Variants in CDKL4 observed in about 807,000 individuals in gnomAD.
The protein encoded by CDKL4 is cyclin-dependent kinase-like 4.
CDKL4 carries 44 observed loss-of-function variants against 42.0 expected under a neutral mutation model. The ratio of observed to expected loss-of-function variants is 1.05; its 90% CI spans 0.82 to 1.35. The LOEUF is 1.35. Among genes scored for constraint, CDKL4 ranks in the 40% most tolerant of loss-of-function variants. CDKL4 has a pLI of 0.00. For synonymous variants in CDKL4, 120 were observed against 121.6 expected (o/e 0.99, Z 0.09); for missense variants, 393 against 369.9 (o/e 1.06, Z -0.51).
chr2:39,226,584 A>G (rs181890304), intron 2 of CDKL4, among the ~76,000 whole-genome samples: 155 of 151,198 alleles, frequency 1.0e-3, no homozygotes, highest in African/African-American at 3.6e-3. Context: ...ATTTCACAAG[A>G]CAGCCTCTGT....
intron 1 of CDKL4, among the ~76,000 whole-genome samples, chr2:39,231,267 A>G (rs977379612): frequency 6.6e-6 from 1 of 152,092 alleles, no homozygotes; most frequent in Non-Finnish European, 1.5e-5. Context: ...AATTCGAAGA[A>G]CCACTTTATC....
chr2:39,185,425 T>C (rs7602450), intron 7 of CDKL4, among the ~76,000 whole-genome samples: 223 of 19,868 alleles, frequency 0.011, 49 homozygotes, highest in African/African-American at 0.015. Flanking sequence ...CATATATATA[T>C]ACATATGTAT....
intron 5 of CDKL4, among the ~76,000 whole-genome samples, chr2:39,203,164 G>A (rs1676958180): frequency 6.6e-6 from 1 of 152,066 alleles, no homozygotes; most frequent in African/African-American, 2.4e-5. Context: ...CAGTAGGAAA[G>A]CTGACTTGCA....
chr2:39,236,734 G>A (rs1342179971), intron 1 of CDKL4, among the ~76,000 whole-genome samples: 7 of 151,846 alleles, frequency 4.6e-5, no homozygotes, highest in African/African-American at 1.7e-4. Context: ...CCATACTACA[G>A]AAATTAAAAA....
At chr2:39,226,259 C>T in intron 2 of CDKL4, among the ~76,000 whole-genome samples, 1 of 151,200 alleles carries the variant, frequency 6.6e-6, no homozygotes, top group Non-Finnish European at 1.5e-5. Context: ...TAAAAATAAT[C>T]AATATCCACT....
intron 8 of CDKL4, among the ~76,000 whole-genome samples, chr2:39,182,006 T>G (rs917515223): frequency 1.3e-5 from 2 of 152,142 alleles, no homozygotes; most frequent in African/African-American, 2.4e-5. Context: ...TTTTTAGAGA[T>G]GAGGTTTCAC....
rs77239657 is a variant in CDKL4, at chr2:39,197,975, T to G, written c.454+6552A>C. 4.8e-4 allele frequency among the ~76,000 whole-genome samples: 73 copies of G among 152,042 alleles called. 1 individual carries two copies. The East Asian group carries it at 0.012, about 25-fold the overall frequency. On this transcript the variant is annotated intron_variant, in intron 5 of 9. Coordinates refer to ENST00000451199, the Ensembl canonical transcript of CDKL4. ...AGGTAACAAGTAGCATGATGAATAGTACCTCACATCTCAATACTGATGTTG... is the reference window on the plus strand; with the variant it reads ...AGGTAACAAGTAGCATGATGAATAGGACCTCACATCTCAATACTGATGTTG...
chr2:39,213,159 C>CT (rs545236856), intron 4 of CDKL4, among the ~76,000 whole-genome samples: 25 of 151,838 alleles, frequency 1.6e-4, no homozygotes, highest in African/African-American at 6.0e-4. Flanking sequence ...CCCTTTTCTT[C>CT]TTTTTTGCAG....
At chr2:39,183,808 G>T (rs1172016833) in intron 8 of CDKL4, among the ~76,000 whole-genome samples, 2 of 152,136 alleles carry the variant, frequency 1.3e-5, no homozygotes, top group Admixed American at 6.5e-5. Flanking sequence ...TGAGAGCACA[G>T]GGGTATCAGG....
At chr2:39,187,983 G>A (rs765396752) in intron 6 of CDKL4, among the ~76,000 whole-genome samples, 6 of 151,762 alleles carry the variant, frequency 4.0e-5, no homozygotes, top group East Asian at 2.0e-4. Flanking sequence ...CAGGAGAATC[G>A]CTTGAACCTG....
At chr2:39,183,414 T>C (rs1264171923) in intron 8 of CDKL4, among the ~76,000 whole-genome samples, 3 of 152,196 alleles carry the variant, frequency 2.0e-5, no homozygotes, top group Non-Finnish European at 4.4e-5. Flanking sequence ...TTGATACTTA[T>C]GGGTCTAAAT....
chr2:39,229,361 T>C lies in CDKL4; in HGVS notation c.168+4A>G. On this transcript the variant is annotated splice_donor_region_variant and intron_variant, in intron 2 of 9. Transcript: ENST00000451199. ...TATTTTACATATATATAAAGTTAAC[T>C]TACCTTCAACATACGTATTTCTCTT... 6.4e-7 allele frequency: 1 copy of C among 1,568,364 alleles called. No homozygotes were observed. Among genetic ancestry groups the C allele is most frequent in the East Asian group, 2.3e-5 (1 of 44,240 alleles).
intron 1 of CDKL4, among the ~76,000 whole-genome samples, chr2:39,240,137 T>C (rs1167221371): frequency 1.3e-5 from 2 of 150,392 alleles, no homozygotes; most frequent in African/African-American, 2.5e-5. Context: ...CCGCCAGGCG[T>C]GGTGGCTCAC....
chr2:39,194,778 T>C lies in CDKL4; in HGVS notation c.455-4276A>G, dbSNP rs577061803. ...CTCTGTGTATATCTATATATCTATATATAGGAGGAGCTTAAATTTATTTTG... is the reference window on the plus strand; with the variant it reads ...CTCTGTGTATATCTATATATCTATACATAGGAGGAGCTTAAATTTATTTTG... On this transcript the variant is annotated intron_variant, in intron 5 of 9. Coordinates refer to ENST00000451199, the Ensembl canonical transcript of CDKL4. 2.6e-5 allele frequency among the ~76,000 whole-genome samples: 4 copies of C among 152,342 alleles called. No individual in the cohort carries two copies. The East Asian group carries it at 5.8e-4, about 22-fold the overall frequency.
intron 5 of CDKL4, among the ~76,000 whole-genome samples, chr2:39,194,289 T>C (rs565273357): frequency 6.6e-6 from 1 of 152,156 alleles, no homozygotes; most frequent in Non-Finnish European, 1.5e-5. Context: ...AAACACTGTG[T>C]CTACCAAAAA....
At chr2:39,225,928 GATGAGGTTCACA>G in exon 3 of CDKL4, 1 of 1,610,798 alleles carries the variant, frequency 6.2e-7, no homozygotes, top group Non-Finnish European at 8.5e-7. Context: ...TGAACACCTC[GATGAGGTTCACA>G]AGATTTGGAT....
intron 8 of CDKL4, among the ~76,000 whole-genome samples, chr2:39,179,579 G>A (rs1221986158): frequency 6.6e-6 from 1 of 152,204 alleles, no homozygotes; most frequent in African/African-American, 2.4e-5. Context: ...TCCCACCAAT[G>A]ACATTTTAAA....
At chr2:39,185,318 ATATATATACACATATG>A (rs1291486648) in intron 7 of CDKL4, among the ~76,000 whole-genome samples, 780 of 4,882 alleles carry the variant, frequency 0.16, 175 homozygotes, top group Non-Finnish European at 0.4. Context: ...GTATATATAC[ATATATATACACATATG>A]TATATATATA....
At chr2:39,197,229 C>A (rs549927127) in intron 5 of CDKL4, among the ~76,000 whole-genome samples, 68 of 152,280 alleles carry the variant, frequency 4.5e-4, no homozygotes, top group African/African-American at 1.6e-3. Flanking sequence ...CAAGAAAGAA[C>A]TTCAGCGCTT....
Sources: allele counts gnomAD v4.1 joint callset (sites outside exome capture counted in the v4.1 genomes callset), GRCh38; gene constraint gnomAD v4.1.1; transcripts MANE v1.5; gene names NCBI Gene and HGNC (gene_info 2026-07-23, HGNC 2026-07-21).